Variants in HTRA3 observed in about 807,000 individuals in gnomAD.
HTRA3 encodes serine protease HTRA3.
HTRA3 carries 41 observed loss-of-function variants against 43.2 expected under a neutral mutation model. The ratio of observed to expected loss-of-function variants is 0.95; its 90% CI spans 0.74 to 1.23. HTRA3 has a LOEUF of 1.23. Ranked by LOEUF, HTRA3 falls within the 50% of genes most tolerant of loss-of-function variation. HTRA3 has a pLI of 0.00. For missense variants in HTRA3, 628 were observed against 647.1 expected (o/e 0.97, Z 0.32); for synonymous variants, 295 against 287.9 (o/e 1.02, Z -0.25).
intron 6 of HTRA3, among the ~76,000 whole-genome samples, chr4:8,298,016 G>C (rs552510745): frequency 6.6e-6 from 1 of 152,194 alleles, no homozygotes; most frequent in African/African-American, 2.4e-5. Flanking sequence ...CCAGGCTTCA[G>C]GATGCATCCA....
At chr4:8,284,299 C>T (rs975978460) in intron 2 of HTRA3, among the ~76,000 whole-genome samples, 4 of 152,196 alleles carry the variant, frequency 2.6e-5, no homozygotes, top group Non-Finnish European at 4.4e-5. Flanking sequence ...CTAAGTGGCA[C>T]GTTGCTGGCC....
intron 1 of HTRA3, among the ~76,000 whole-genome samples, chr4:8,281,669 C>G (rs1290264774): frequency 6.6e-6 from 1 of 152,250 alleles, no homozygotes; most frequent in East Asian, 1.9e-4. Flanking sequence ...CCGGCACAGG[C>G]CCGTGCAGGG....
chr4:8,299,742 T>C (rs1229117805), intron 6 of HTRA3, among the ~76,000 whole-genome samples: 1 of 152,186 alleles, frequency 6.6e-6, no homozygotes, highest in African/African-American at 2.4e-5. Context: ...CTTTCTAGTC[T>C]GTTAATGTGG....
rs1713441687 is a variant in HTRA3 at position 8,296,034 on chromosome 4, C to A, written c.1051+1833C>A. ...CACCCAGACCTGTCCTAGCATGCTC[C>A]TTTCCCTAATGACCGAGTCTTTCCT... is the stretch of plus-strand genomic sequence containing the variant. On this transcript the variant is annotated intron_variant, in intron 6 of 8. Transcript: ENST00000307358. The surrounding 1 kb of genome is among the most constrained non-coding windows in gnomAD (Gnocchi z 5.3). The A allele has an allele frequency of 1.7e-6, 2 of 1,151,322 alleles. No homozygotes were observed. The highest frequency in any genetic ancestry group is 2.1e-6 in the Non-Finnish European group (2 of 936,764). The allele number at this position is 1,151,322 out of a possible 1,614,324, so 71.3% of individuals were successfully genotyped here.
At position 8,295,995 on chromosome 4, in the gene HTRA3, T is replaced by G. The variant is rs1713440786; in HGVS notation, c.1051+1794T>G. ...TGTTGGCTTCTAGGAAGCTCAGAGC[T>G]AGATTCAGGGGTGCACCCAGACCTG... On this transcript the variant is annotated intron_variant, in intron 6 of 8. Transcript: ENST00000307358. The surrounding 1 kb of genome is among the most constrained non-coding windows in gnomAD (Gnocchi z 6.9). 8.4e-7 allele frequency: 1 copy of G among 1,191,708 alleles called. No individual in the cohort carries two copies. Among genetic ancestry groups the G allele is most frequent in the Non-Finnish European group, 1.0e-6 (1 of 962,378 alleles). 73.8% of individuals were successfully genotyped at this position (1,191,708 alleles called of 1,614,324 possible).
chr4:8,304,243 A>C lies in HTRA3; in HGVS notation c.1160A>C (p.Tyr387Ser). ...PDFPEVSSGIYVQEVAPNSPS... is the reference protein window; with the variant it reads ...PDFPEVSSGISVQEVAPNSPS... ...TTCCCAGAGGTCAGCAGTGGAATTT[A>C]TGTGCAAGAGGTTGCGCCGAATTCA... The change falls in exon 8 of 9, where the codon TAT (tyrosine) becomes TCT (serine). Residue 387 changes from tyrosine to serine, a missense_variant. Tyr to Ser is a moderately radical substitution (Grantham distance 144). Coordinates refer to ENST00000307358, the MANE Select transcript of HTRA3 (RefSeq NM_053044.5). The C allele has an allele frequency of 2.5e-6, 4 of 1,614,172 alleles. No individual in the cohort carries two copies. The highest frequency in any genetic ancestry group is 2.2e-5 in the South Asian group (2 of 91,080).
intron 4 of HTRA3, 145 bp downstream of exon 4, chr4:8,291,709 C>A: frequency 3.1e-6 from 2 of 651,102 alleles, no homozygotes; most frequent in Non-Finnish European, 5.2e-6. Flanking sequence ...TCTCTCTTTA[C>A]ATTCGGTGGA....
intron 6 of HTRA3, among the ~76,000 whole-genome samples, chr4:8,299,250 T>A (rs1014136713): frequency 7.2e-5 from 11 of 152,260 alleles, no homozygotes; most frequent in African/African-American, 2.4e-4. Context: ...GATGCTATTA[T>A]AAATGATGTA....
In HTRA3 at chr4:8,270,157, C is replaced by A. The variant is rs767735773; in HGVS notation, c.189C>A (p.Gly63=). 4.5e-6 allele frequency: 7 copies of A among 1,541,564 alleles called. No homozygotes were observed. The highest frequency in any genetic ancestry group is 3.9e-5 in the Admixed American group (2 of 51,616). ...CCGCCAGCGAGGGCGAGCCCTGTGG[C>A]GGCCCTCTGGACTCGCCTTGCGGCG... is the stretch of plus-strand genomic sequence containing the variant. ...VCAASEGEPC[G]GPLDSPCGES... is the part of the protein sequence containing the mutation. The change falls in exon 1 of 9, where the codon GGC becomes GGA. Residue 63 remains glycine (G), a synonymous_variant. Transcript: ENST00000307358.
rs777674460 is a variant in HTRA3 at position 8,282,415 on chromosome 4, C to T, written c.386-22C>T. On this transcript the variant is annotated intron_variant, in intron 1 of 8. Coordinates refer to ENST00000307358, the MANE Select transcript of HTRA3 (RefSeq NM_053044.5). The stretch of plus-strand genomic sequence containing the variant: ...CAGCATCGTGATCTCACTGATGCAC[C>T]TGGCCCTTCCCGCCAGCGCAGGTCT... 83 of 1,593,620 alleles carry T rather than the reference C, an allele frequency of 5.2e-5. 1 individual carries two copies. The highest frequency in any genetic ancestry group is 1.5e-4 in the Admixed American group (9 of 59,186).
chr4:8,286,880 C>T lies in HTRA3; in HGVS notation c.708+97C>T. The T allele has an allele frequency of 2.1e-6, 2 of 934,588 alleles. No homozygotes were observed. The highest frequency in any genetic ancestry group is 3.3e-6 in the Non-Finnish European group (2 of 610,280). 57.9% of individuals were successfully genotyped at this position (934,588 alleles called of 1,614,324 possible). On this transcript the variant is annotated intron_variant, in intron 3 of 8. Transcript: ENST00000307358. The surrounding 1 kb of genome is among the most constrained non-coding windows in gnomAD (Gnocchi z 4.9). ...CCCAGAGGCAAGCTAGCCCCACCTT[C>T]CATCAGCCAGGGGGAGGAAACTGGG...
intron 8 of HTRA3, among the ~76,000 whole-genome samples, chr4:8,305,078 C>A (rs1713787897): frequency 6.6e-6 from 1 of 152,326 alleles, no homozygotes; most frequent in Non-Finnish European, 1.5e-5. Context: ...ATGGCTGACC[C>A]ACTCCCAAGA....
chr4:8,299,214 T>C (rs1015844318), intron 6 of HTRA3, among the ~76,000 whole-genome samples: 11 of 152,242 alleles, frequency 7.2e-5, no homozygotes, highest in Non-Finnish European at 1.3e-4. Flanking sequence ...TTTCATCAGA[T>C]TTATTCATAA....
intron 6 of HTRA3, among the ~76,000 whole-genome samples, chr4:8,299,424 A>T (rs1050198469): frequency 1.2e-4 from 19 of 152,136 alleles, no homozygotes; most frequent in African/African-American, 4.6e-4. Flanking sequence ...ATGGCTATGC[A>T]GTCTGTGAAT....
At chr4:8,300,972 C>T (rs1248830528) in intron 6 of HTRA3, among the ~76,000 whole-genome samples, 1 of 150,378 alleles carries the variant, frequency 6.6e-6, no homozygotes, top group Admixed American at 6.6e-5. Context: ...ATTATTGAGT[C>T]ACACTCATCT....
At chr4:8,270,842 C>T (rs974693508) in intron 1 of HTRA3, among the ~76,000 whole-genome samples, 1 of 152,090 alleles carries the variant, frequency 6.6e-6, no homozygotes, top group Admixed American at 6.5e-5. Flanking sequence ...CTGCTTAGGG[C>T]GCCCCAGGGA....
intron 5 of HTRA3, 128 bp downstream of exon 5, chr4:8,292,481 CA>C: frequency 1.2e-6 from 1 of 802,960 alleles, no homozygotes; most frequent in Middle Eastern, 2.5e-4. Flanking sequence ...GTCGGGAGTG[CA>C]GCTGGGCCGG....
At position 8,306,543 on chromosome 4, in the gene HTRA3, A is replaced by T; in HGVS notation, c.*407A>T. 1 of 171,778 alleles carries T rather than the reference A, an allele frequency of 5.8e-6. No homozygotes were observed. Among genetic ancestry groups the T allele is most frequent in the Non-Finnish European group, 1.3e-5 (1 of 78,872 alleles). 10.6% of individuals were successfully genotyped at this position (171,778 alleles called of 1,614,324 possible). On this transcript the variant is annotated 3_prime_UTR_variant, in exon 9 of 9. Coordinates refer to ENST00000307358, the MANE Select transcript of HTRA3 (RefSeq NM_053044.5). This position sits in a 1 kb window ranked among gnomAD's most constrained non-coding sequence, Gnocchi z 8.9. ...TGCCAAGCTTCTTCCCCCCTGACAA[A>T]CGCCCACCTGACCTGAGGCCCCAGC...
chr4:8,293,944 G>C, intron 5 of HTRA3, 143 bp from the exon 6 acceptor site: 1 of 600,126 alleles, frequency 1.7e-6, no homozygotes, highest in Non-Finnish European at 3.0e-6. Context: ...TCCTGAGAGT[G>C]AGCTTTTCAG....
Sources: allele counts gnomAD v4.1 joint callset (sites outside exome capture counted in the v4.1 genomes callset), GRCh38; gene constraint gnomAD v4.1.1; non-coding constraint Gnocchi (gnomAD v3.1); transcripts MANE v1.5; gene names NCBI Gene and HGNC (gene_info 2026-07-23, HGNC 2026-07-21).